The following CNN2 variants were observed in gnomAD, a reference collection of about 807,000 sequenced individuals.
The protein encoded by CNN2 is calponin 2, also known as calponin-2.
Under a neutral mutation model 31.0 loss-of-function variants are expected in CNN2, and 21 were observed. That is an observed-to-expected ratio of 0.68 (90% CI 0.48 to 0.98). The LOEUF (loss-of-function observed/expected upper bound fraction) is 0.98. CNN2 is among the 50% of genes least tolerant of loss of function. CNN2 has a pLI of 0.00. For synonymous variants in CNN2, 165 were observed against 179.6 expected, an observed-to-expected ratio of 0.92 and a Z score of 0.65; for missense variants, 399 against 427.3, an observed-to-expected ratio of 0.93 and a Z score of 0.58.
intron 2 of CNN2, among the ~76,000 whole-genome samples, chr19:1,032,121 G>C (rs143654300): frequency 6.6e-6 from 1 of 151,814 alleles, no homozygotes; most frequent in Admixed American, 6.6e-5. Context: ...CCAGCTACTC[G>C]GGAGGCTCAG....
rs544983982 is a variant in CNN2, at chr19:1,032,721, C to T, written c.390+25C>T. On this transcript the variant is annotated intron_variant, in intron 4 of 6. Coordinates refer to ENST00000263097, the MANE Select transcript of CNN2 (RefSeq NM_004368.4). ...GGTGAGGCCCAGAGAGGGGCAGCCACCTGCCCAGAGTCACACAGCGAGGTG... is the reference window on the plus strand; with the variant it reads ...GGTGAGGCCCAGAGAGGGGCAGCCATCTGCCCAGAGTCACACAGCGAGGTG... 3.8e-6 allele frequency: 6 copies of T among 1,559,666 alleles called. No individual in the cohort carries two copies. In the African/African-American group the frequency reaches 6.8e-5, roughly 18 times the overall value.
intron 6 of CNN2, 96 bp from the exon 7 acceptor site, chr19:1,037,529 C>T (rs1471890241): frequency 1.7e-5 from 26 of 1,497,784 alleles, no homozygotes; most frequent in Non-Finnish European, 2.3e-5. Flanking sequence ...ACCTTGGCCT[C>T]CCAAAGTGCT....
chr19:1,036,280 G>A lies in CNN2; in HGVS notation c.507+34G>A, dbSNP rs377554700. 64 of 1,566,718 alleles carry A rather than the reference G, an allele frequency of 4.1e-5. No individual in the cohort carries two copies. The Middle Eastern group carries it at 1.4e-3, about 35-fold the overall frequency. On this transcript the variant is annotated intron_variant, in intron 5 of 6. Transcript: ENST00000263097. The stretch of plus-strand genomic sequence containing the variant: ...CAGCTCCCCCAGCCCCAGGGACCAC[G>A]GCATTGGGGGACCACGGTGTTGGGG...
At position 1,032,586 on chromosome 19, in the gene CNN2, G is replaced by A. The variant is rs1408681934; in HGVS notation, c.280G>A (p.Ala94Thr). The change falls in exon 4 of 7, where the codon GCC becomes ACC. Residue 94 changes from alanine (A) to threonine (T), a missense_variant. Ala to Thr is a moderately conservative substitution (Grantham distance 58). Transcript: ENST00000263097. ...AGAAAACCTGTCCAACTTCATCAAG[G>A]CCATGGTCAGCTACGGCATGAACCC... ...QLENLSNFIK[A>T]MVSYGMNPVD... 6.2e-7 allele frequency: 1 copy of A among 1,613,250 alleles called. No homozygotes were observed. The highest frequency in any genetic ancestry group is 8.5e-7 in the Non-Finnish European group (1 of 1,179,992).
chr19:1,030,911 A>G, intron 1 of CNN2, 160 bp from the exon 2 acceptor site: 1 of 908,692 alleles, frequency 1.1e-6, no homozygotes, highest in East Asian at 2.7e-5. Context: ...CAATGATGGG[A>G]AAAGGGAGCA....
intron 1 of CNN2, 137 bp from the exon 2 acceptor site, chr19:1,030,934 T>C: frequency 9.1e-7 from 1 of 1,095,012 alleles, no homozygotes; most frequent in African/African-American, 1.6e-5. Context: ...TGCGTGGGTG[T>C]GGTGAGGGGG....
At chr19:1,029,752 T>A (rs2039457096) in intron 1 of CNN2, among the ~76,000 whole-genome samples, 1 of 150,500 alleles carries the variant, frequency 6.6e-6, no homozygotes. Flanking sequence ...CAGGCTGGAG[T>A]GAAGTGGCCC....
At chr19:1,031,645 C>T (rs1397157173) in intron 2 of CNN2, among the ~76,000 whole-genome samples, 4 of 145,046 alleles carry the variant, frequency 2.8e-5, no homozygotes, top group African/African-American at 7.6e-5. Context: ...GGTGGAGTCT[C>T]ACTCTGTTGC....
Position 1,038,721 on chromosome 19 carries a change from T to G in CNN2, c.*821T>G, listed in dbSNP as rs1399312225. The G allele has an allele frequency of 1.3e-5, 2 of 152,136 alleles. No individual in the cohort carries two copies. The highest frequency in any genetic ancestry group is 4.8e-5 in the African/African-American group (2 of 41,388). The allele number at this position is 152,136 out of a possible 1,614,324, so 9.4% of individuals were successfully genotyped here. ...CCTGAGTAGCTAGGACTGCAGGTGC[T>G]CCACCACGCCCGGCTAATTTTTGTA... On this transcript the variant is annotated 3_prime_UTR_variant, in exon 7 of 7. Coordinates refer to ENST00000263097, the MANE Select transcript of CNN2 (RefSeq NM_004368.4).
At chr19:1,030,140 G>A (rs62131171) in intron 1 of CNN2, among the ~76,000 whole-genome samples, 36,403 of 151,990 alleles carry the variant, frequency 0.24, 6,008 homozygotes, top group African/African-American at 0.47. Context: ...AGGGACACTC[G>A]AGGTCCCCAC....
chr19:1,027,684 C>T (rs1038101872), intron 1 of CNN2, among the ~76,000 whole-genome samples: 2 of 152,142 alleles, frequency 1.3e-5, no homozygotes, highest in East Asian at 1.9e-4. Context: ...AGGACCGGGA[C>T]CTGACCCTCC....
Position 1,036,158 on chromosome 19 carries a change from T to C in CNN2, c.419T>C (p.Val140Ala). Residue 140 changes from valine (V) to alanine (A), a missense_variant, in exon 5 of 7, where the codon GTG (valine) becomes GCG (alanine). Physicochemically the swap from Val to Ala is moderately conservative, Grantham distance 64 (BLOSUM62 0). Coordinates refer to ENST00000263097, the MANE Select transcript of CNN2 (RefSeq NM_004368.4). ...AAGACTAAGGGGCTGCAGAGCGGGG[T>C]GGACATTGGCGTCAAGTACTCGGAG... ...KAKTKGLQSGVDIGVKYSEKQ... is the reference protein window; with the variant it reads ...KAKTKGLQSGADIGVKYSEKQ... The C allele has an allele frequency of 1.3e-6, 2 of 1,579,554 alleles. No individual in the cohort carries two copies. The highest frequency in any genetic ancestry group is 1.7e-6 in the Non-Finnish European group (2 of 1,161,976).
At position 1,036,305 on chromosome 19, in the gene CNN2, G is replaced by A. The variant is rs1441929687; in HGVS notation, c.507+59G>A. ...GGCATTGGGGGACCACGGTGTTGGG[G>A]GACAGCAGCATTGGGGGACAGCGGC... On this transcript the variant is annotated intron_variant, in intron 5 of 6. Transcript: ENST00000263097. The A allele has an allele frequency of 8.3e-6, 13 of 1,568,718 alleles. No individual in the cohort carries two copies. In the East Asian group the frequency reaches 2.9e-4, roughly 35 times the overall value.
chr19:1,031,250 CT>C lies in CNN2; in HGVS notation c.185+65del, dbSNP rs1440450351. On this transcript the variant is annotated intron_variant, in intron 2 of 6. Coordinates refer to ENST00000263097, the MANE Select transcript of CNN2 (RefSeq NM_004368.4). ...ACTTAACAAATCTTGGTTTTTCTCACTTTTTTTCTTAATTAAGAAATTTTTG... is the reference window on the plus strand; with the variant it reads ...ACTTAACAAATCTTGGTTTTTCTCACTTTTTTCTTAATTAAGAAATTTTTG... 6.6e-6 allele frequency: 9 copies of C among 1,362,164 alleles called. No individual in the cohort carries two copies. In the East Asian group the frequency reaches 1.7e-4, roughly 26 times the overall value. 84.4% of individuals were successfully genotyped at this position (1,362,164 alleles called of 1,614,324 possible). A position where few individuals can be genotyped will look rare whatever the true frequency, so the allele number is the denominator to read the frequency against.
Position 1,026,650 on chromosome 19 carries a change from C to G in CNN2, c.-12C>G, listed in dbSNP as rs773475462. 9.1e-6 allele frequency: 14 copies of G among 1,536,060 alleles called. 1 individual carries two copies. Among genetic ancestry groups the G allele is most frequent in the Middle Eastern group, 2.0e-4 (1 of 4,922 alleles). On this transcript the variant is annotated 5_prime_UTR_variant, in exon 1 of 7. Transcript: ENST00000263097. ...TCCTGTGCGGCCCCGTCCCGCCGCC[C>G]GCCCGCCAGCCATGAGCTCCACGCA...
chr19:1,036,154 G>C lies in CNN2; in HGVS notation c.415G>C (p.Gly139Arg), dbSNP rs140890265. The change falls in exon 5 of 7, where the codon GGG becomes CGG. Residue 139 changes from glycine to arginine, a missense_variant. By Grantham distance (125) the Gly-to-Arg change is moderately radical (BLOSUM62 -2). Coordinates refer to ENST00000263097, the MANE Select transcript of CNN2 (RefSeq NM_004368.4). ...GKAKTKGLQS[G>R]VDIGVKYSEK... The stretch of plus-strand genomic sequence containing the variant: ...GGCCAAGACTAAGGGGCTGCAGAGC[G>C]GGGTGGACATTGGCGTCAAGTACTC... The C allele has an allele frequency of 8.1e-6, 13 of 1,612,236 alleles. No individual in the cohort carries two copies. The highest frequency in any genetic ancestry group is 1.7e-5 in the Admixed American group (1 of 59,728).
At position 1,026,738 on chromosome 19, in the gene CNN2, G is replaced by A. The variant is rs758048930; in HGVS notation, c.63+14G>A. Reference sequence around the variant, plus strand: ...GTCAAGAACCGGGTGAGTGAGGGGCGCCCCTTGTCCCCCCGACAGCGCGGC... The same window carrying A: ...GTCAAGAACCGGGTGAGTGAGGGGCACCCCTTGTCCCCCCGACAGCGCGGC... On this transcript the variant is annotated intron_variant, in intron 1 of 6. Transcript: ENST00000263097. The A allele has an allele frequency of 1.9e-6, 3 of 1,546,832 alleles. No homozygotes were observed. Among genetic ancestry groups the A allele is most frequent in the Admixed American group, 3.9e-5 (2 of 50,998 alleles).
At chr19:1,035,990 C>A (rs547290421) in intron 4 of CNN2, 140 bp from the exon 5 acceptor site, 21 of 1,344,064 alleles carry the variant, frequency 1.6e-5, no homozygotes, top group Non-Finnish European at 2.1e-5. Flanking sequence ...CCCAGACACC[C>A]GAGAGATGTG....
Position 1,036,488 on chromosome 19 carries a change from A to G in CNN2, c.580A>G (p.Lys194Glu). ...CACGAGAAGGCATCTCTATGACCCC[A>G]AGAACCATATCCTGCCCCCCATGGA... ...YGTRRHLYDP[K>E]NHILPPMDHS... Residue 194 changes from lysine to glutamate, a missense_variant, in exon 6 of 7, where the codon AAG becomes GAG. Coordinates refer to ENST00000263097, the MANE Select transcript of CNN2 (RefSeq NM_004368.4). 6.2e-7 allele frequency: 1 copy of G among 1,613,200 alleles called. No individual in the cohort carries two copies. The highest frequency in any genetic ancestry group is 8.5e-7 in the Non-Finnish European group (1 of 1,179,262).
Sources: gnomAD v4.1 joint callset for allele counts (sites outside exome capture counted in the v4.1 genomes callset) on GRCh38, gnomAD v4.1.1 for gene constraint, MANE v1.5 for transcripts, NCBI Gene and HGNC (gene_info 2026-07-23, HGNC 2026-07-21) for gene names.